The following FGGY variants were observed in gnomAD, a reference collection of about 807,000 sequenced individuals.
The protein encoded by FGGY is FGGY carbohydrate kinase domain containing.
Under a neutral mutation model 71.3 loss-of-function variants are expected in FGGY, and 72 were observed. That is an observed-to-expected ratio of 1.01 (90% confidence interval 0.84 to 1.23). The LOEUF (loss-of-function observed/expected upper bound fraction) is 1.23. FGGY is among the 50% of genes most tolerant of loss of function. The probability of loss-of-function intolerance (pLI) is 0.00; values close to 1 mark genes in which losing one functional copy is unlikely to be tolerated. For missense variants in FGGY, 668 were observed against 682.3 expected (o/e 0.98, Z 0.23); for synonymous variants, 251 against 250.3 (o/e 1.00, Z -0.02).
chr1:59,440,927 G>A (rs765477928), intron 5 of FGGY, among the ~76,000 whole-genome samples: 1 of 151,732 alleles, frequency 6.6e-6, no homozygotes, highest in Non-Finnish European at 1.5e-5. Context: ...GCCAGAGAAC[G>A]GACAAACAAG....
At chr1:59,617,724 G>A (rs535493123) in intron 9 of FGGY, among the ~76,000 whole-genome samples, 6 of 152,026 alleles carry the variant, frequency 3.9e-5, no homozygotes, top group African/African-American at 1.2e-4. Flanking sequence ...TTTGTCTCAC[G>A]TGGAGTGATT....
chr1:59,613,493 A>G (rs538347295), intron 9 of FGGY, among the ~76,000 whole-genome samples: 1 of 152,324 alleles, frequency 6.6e-6, no homozygotes, highest in African/African-American at 2.4e-5. Context: ...GACACCTTCA[A>G]AGTAGTGTGT....
At position 59,695,050 on chromosome 1, in the gene FGGY, G is replaced by C. The variant is rs186335021; in HGVS notation, c.1512+20917G>C. Among the ~76,000 whole-genome samples, 207 of 152,284 alleles carry C rather than the reference G, an allele frequency of 1.4e-3. 5 individuals are homozygous for C. Among genetic ancestry groups the C allele is most frequent in the Admixed American group, 0.012 (183 of 15,300 alleles). On this transcript the variant is annotated intron_variant, in intron 14 of 15. Coordinates refer to ENST00000303721, the MANE Select transcript of FGGY (RefSeq NM_018291.5). ...CCAAGACAATCAAGCCTTAAGCATA[G>C]TACCACAAAACAGGTTTGAAAACTC...
At chr1:59,384,900 G>A (rs2059905563) in intron 5 of FGGY, among the ~76,000 whole-genome samples, 1 of 152,114 alleles carries the variant, frequency 6.6e-6, no homozygotes. Context: ...AAAACTTTGG[G>A]TAATAAAACA....
intron 2 of FGGY, among the ~76,000 whole-genome samples, chr1:59,328,970 A>G (rs1335661459): frequency 2.0e-5 from 3 of 152,350 alleles, no homozygotes; most frequent in African/African-American, 7.2e-5. Context: ...CAGATATAAT[A>G]TTAATGAAAG....
intron 4 of FGGY, among the ~76,000 whole-genome samples, chr1:59,377,716 A>G (rs1427881224): frequency 6.6e-6 from 1 of 151,784 alleles, no homozygotes; most frequent in Non-Finnish European, 1.5e-5. Context: ...GATCCTGGAA[A>G]CCCCCTCAAG....
intron 14 of FGGY, among the ~76,000 whole-genome samples, chr1:59,684,846 C>T (rs2097532101): frequency 6.6e-6 from 1 of 152,192 alleles, no homozygotes; most frequent in Admixed American, 6.5e-5. Flanking sequence ...TATTAACTGA[C>T]CCCATTGAGT....
chr1:59,585,025 C>T lies in FGGY; in HGVS notation c.904-22778C>T, dbSNP rs552523921. Among the ~76,000 whole-genome samples the T allele has an allele frequency of 5.3e-5, 8 of 152,192 alleles. No individual in the cohort carries two copies. The East Asian group carries it at 1.4e-3, about 26-fold the overall frequency. On this transcript the variant is annotated intron_variant, in intron 8 of 15. Coordinates refer to ENST00000303721, the MANE Select transcript of FGGY (RefSeq NM_018291.5). Reference sequence around the variant, plus strand: ...CTGCTCAATGAAATAAAAGAGGATACCAATAAATGGAAGAACATTCCATGC... The same window carrying T: ...CTGCTCAATGAAATAAAAGAGGATATCAATAAATGGAAGAACATTCCATGC...
intron 8 of FGGY, among the ~76,000 whole-genome samples, chr1:59,554,975 G>A (rs1558332608): frequency 6.6e-6 from 1 of 152,176 alleles, no homozygotes; most frequent in African/African-American, 2.4e-5. Context: ...GCAGAGATTA[G>A]AGCGGGACAC....
chr1:59,645,188 C>T (rs2097081244), intron 11 of FGGY, among the ~76,000 whole-genome samples: 1 of 152,208 alleles, frequency 6.6e-6, no homozygotes, highest in South Asian at 2.1e-4. Flanking sequence ...CGGGTTAACT[C>T]TGTGCAGCTG....
At chr1:59,680,445 A>G (rs917287547) in intron 14 of FGGY, among the ~76,000 whole-genome samples, 4 of 105,176 alleles carry the variant, frequency 3.8e-5, no homozygotes, top group East Asian at 6.0e-4. Flanking sequence ...GGTTAACAAT[A>G]CATTCTTTTT....
At chr1:59,423,947 T>C (rs568509189) in intron 5 of FGGY, among the ~76,000 whole-genome samples, 27 of 152,238 alleles carry the variant, frequency 1.8e-4, no homozygotes, top group Non-Finnish European at 3.5e-4. Context: ...TCTGCCTGCC[T>C]CCCTCTCTAG....
chr1:59,689,818 G>A (rs72666283), intron 14 of FGGY, among the ~76,000 whole-genome samples: 26,863 of 152,120 alleles, frequency 0.18, 2,771 homozygotes, highest in Admixed American at 0.3. Flanking sequence ...ACCTTCTGAA[G>A]CAATGTCATT....
chr1:59,515,794 C>T (rs1314165804), intron 7 of FGGY, among the ~76,000 whole-genome samples: 4 of 152,184 alleles, frequency 2.6e-5, no homozygotes, highest in African/African-American at 9.7e-5. Context: ...CCGTGTGGAA[C>T]TGTAAGTCAA....
At chr1:59,756,355 G>C (rs2098291082) in intron 14 of FGGY, among the ~76,000 whole-genome samples, 1 of 152,206 alleles carries the variant, frequency 6.6e-6, no homozygotes, top group Admixed American at 6.5e-5. Flanking sequence ...AGTTCAGAAT[G>C]CACATGCTAT....
intron 8 of FGGY, among the ~76,000 whole-genome samples, chr1:59,586,940 G>C (rs1558446095): frequency 2.6e-5 from 4 of 152,214 alleles, no homozygotes; most frequent in African/African-American, 9.6e-5. Flanking sequence ...CAGACAGTGG[G>C]CGCAGGACAG....
chr1:59,526,543 C>T (rs564098913), intron 7 of FGGY, among the ~76,000 whole-genome samples: 12 of 152,168 alleles, frequency 7.9e-5, no homozygotes, highest in East Asian at 3.9e-4. Context: ...CTTTTCCAGG[C>T]GGTGTAAAAA....
chr1:59,397,242 G>A (rs1253958610), intron 5 of FGGY, among the ~76,000 whole-genome samples: 1 of 152,166 alleles, frequency 6.6e-6, no homozygotes, highest in East Asian at 1.9e-4. Context: ...ATTTGAGTCT[G>A]CAGGAACTTC....
At position 59,367,999 on chromosome 1, in the gene FGGY, G is replaced by A. The variant is rs939110108; in HGVS notation, c.466-10750G>A. On this transcript the variant is annotated intron_variant, in intron 4 of 15. Transcript: ENST00000303721. ...TTGTTGGAATGCAGAAGGCTTTTGT[G>A]CCAAGTCATATAACCCAAATCACTT... Among the ~76,000 whole-genome samples, 7 of 152,304 alleles carry A rather than the reference G, an allele frequency of 4.6e-5. No homozygotes were observed. In the South Asian group the frequency reaches 1.5e-3, roughly 32 times the overall value.
Sources: gnomAD v4.1 joint callset for allele counts (sites outside exome capture counted in the v4.1 genomes callset) on GRCh38, gnomAD v4.1.1 for gene constraint, MANE v1.5 for transcripts, NCBI Gene and HGNC (gene_info 2026-07-23, HGNC 2026-07-21) for gene names.